CDK17: variants seen among roughly 807,000 people sequenced by gnomAD.
The protein encoded by CDK17 is cyclin dependent kinase 17.
CDK17 carries 24 observed loss-of-function variants against 77.6 expected under a neutral mutation model. The observed-to-expected ratio is 0.31, with a 90% CI of 0.22 to 0.44. CDK17 has a LOEUF of 0.44. CDK17 is among the 20% of genes least tolerant of loss of function. CDK17 has a pLI of 1.00. For synonymous variants in CDK17, 203 were observed against 210.4 expected, an observed-to-expected ratio of 0.96 and a Z score of 0.30; for missense variants, 429 against 622.5, an observed-to-expected ratio of 0.69 and a Z score of 3.31.
chr12:96,351,987 A>G (rs139972407), intron 1 of CDK17, among the ~76,000 whole-genome samples: 1,602 of 152,342 alleles, frequency 0.011, 48 homozygotes, highest in Admixed American at 0.064. Context: ...TGCAAAGAAA[A>G]TAAATCAACT....
At position 96,300,394 on chromosome 12, in the gene CDK17, CTTTT is replaced by C. The variant is rs372691382; in HGVS notation, c.544-38_544-35del. The stretch of plus-strand genomic sequence containing the variant: ...TAAACAATGAAAAATGTAGTATTTA[CTTTT>C]TTTTTTTTTTTTTGAGACAGCATCG... On this transcript the variant is annotated intron_variant, in intron 5 of 16. Coordinates refer to ENST00000261211, the MANE Select transcript of CDK17 (RefSeq NM_002595.5). 1,435 of 919,246 alleles carry C rather than the reference CTTTT, an allele frequency of 1.6e-3. 2 individuals carry two copies. Among genetic ancestry groups the C allele is most frequent in the Admixed American group, 3.0e-3 (114 of 38,558 alleles). 56.9% of individuals were successfully genotyped at this position (919,246 alleles called of 1,614,324 possible). A position where few individuals can be genotyped will look rare whatever the true frequency, so the allele number is the denominator to read the frequency against.
Position 96,358,544 on chromosome 12 carries a change from C to T in CDK17, c.-29-23679G>A, listed in dbSNP as rs1020765857. On this transcript the variant is annotated intron_variant, in intron 1 of 16. Transcript: ENST00000261211. ...TTAATAATAAAAAGGATACAGGGGC[C>T]GGGCACATGGCTCACATCTGTAATC... Among the ~76,000 whole-genome samples the T allele has an allele frequency of 3.3e-5, 5 of 152,086 alleles. No individual in the cohort carries two copies. In the East Asian group the frequency reaches 7.7e-4, roughly 23 times the overall value.
At chr12:96,391,083 T>C (rs1466839884) in intron 1 of CDK17, among the ~76,000 whole-genome samples, 1 of 117,284 alleles carries the variant, frequency 8.5e-6, no homozygotes, top group Non-Finnish European at 1.7e-5. Flanking sequence ...GGAGACTCCA[T>C]CTCAAAAAAA....
chr12:96,330,945 GTGTT>G (rs1009442599), intron 2 of CDK17, among the ~76,000 whole-genome samples: 7 of 152,154 alleles, frequency 4.6e-5, no homozygotes, highest in South Asian at 2.1e-4. Context: ...TTTGACAGGT[GTGTT>G]TGTTTGTTTG....
intron 2 of CDK17, among the ~76,000 whole-genome samples, chr12:96,331,016 G>A (rs746418660): frequency 6.6e-6 from 1 of 152,140 alleles, no homozygotes; most frequent in Non-Finnish European, 1.5e-5. Context: ...GTGCCATCTC[G>A]GCTCACTGCA....
chr12:96,335,386 T>C (rs1178338267), intron 1 of CDK17, among the ~76,000 whole-genome samples: 1 of 152,252 alleles, frequency 6.6e-6, no homozygotes, highest in East Asian at 1.9e-4. Flanking sequence ...GTTTTGTTTT[T>C]ACTTGTTAGG....
chr12:96,385,793 C>G (rs1184700857), intron 1 of CDK17, among the ~76,000 whole-genome samples: 2 of 151,932 alleles, frequency 1.3e-5, no homozygotes, highest in Non-Finnish European at 2.9e-5. Flanking sequence ...TTTTCTAAAA[C>G]TAATAACTGA....
At chr12:96,387,789 A>G (rs1047778520) in intron 1 of CDK17, among the ~76,000 whole-genome samples, 1 of 151,930 alleles carries the variant, frequency 6.6e-6, no homozygotes, top group African/African-American at 2.4e-5. Context: ...CAAAAAAGTA[A>G]AAAATCAGCC....
chr12:96,288,819 T>C (rs543031337), intron 11 of CDK17, among the ~76,000 whole-genome samples: 1 of 152,360 alleles, frequency 6.6e-6, no homozygotes, highest in East Asian at 1.9e-4. Flanking sequence ...AATTACTATG[T>C]ATCAGATACT....
chr12:96,383,962 G>C (rs1953927849), intron 1 of CDK17, among the ~76,000 whole-genome samples: 1 of 151,988 alleles, frequency 6.6e-6, no homozygotes, highest in African/African-American at 2.4e-5. Context: ...ATTATCAAGA[G>C]TATACAGACA....
chr12:96,386,276 G>A lies in CDK17; in HGVS notation c.-30+13710C>T, dbSNP rs185136223. 4.0e-4 allele frequency among the ~76,000 whole-genome samples: 61 copies of A among 152,294 alleles called. 1 individual carries two copies. The East Asian group carries it at 8.9e-3, about 22-fold the overall frequency. The stretch of plus-strand genomic sequence containing the variant: ...CTCCCAAAGTGCTGGGATTACAGAC[G>A]TGAGCCACTGCACCCAGGTAGAAAG... On this transcript the variant is annotated intron_variant, in intron 1 of 16. Transcript: ENST00000261211.
chr12:96,345,706 T>C (rs530198700), intron 1 of CDK17, among the ~76,000 whole-genome samples: 1 of 152,316 alleles, frequency 6.6e-6, no homozygotes, highest in South Asian at 2.1e-4. Flanking sequence ...GTTGGTATTA[T>C]TCAAATGAGG....
intron 2 of CDK17, among the ~76,000 whole-genome samples, chr12:96,332,464 T>C (rs1415951389): frequency 6.6e-6 from 1 of 152,370 alleles, no homozygotes; most frequent in South Asian, 2.1e-4. Flanking sequence ...TATTCTGGCA[T>C]GGACTGTGTC....
intron 3 of CDK17, among the ~76,000 whole-genome samples, chr12:96,316,886 A>G (rs1272559347): frequency 1.3e-5 from 2 of 150,306 alleles, no homozygotes; most frequent in Non-Finnish European, 3.0e-5. Flanking sequence ...TGGAAACTCT[A>G]AAACGCAGAG....
At chr12:96,346,001 A>G (rs186804960) in intron 1 of CDK17, among the ~76,000 whole-genome samples, 1 of 152,330 alleles carries the variant, frequency 6.6e-6, no homozygotes, top group East Asian at 1.9e-4. Flanking sequence ...GTCAGACTGG[A>G]TTTTTTAAAA....
intron 13 of CDK17, chr12:96,285,826 G>A (rs1000937377): frequency 1.4e-5 from 4 of 276,916 alleles, no homozygotes; most frequent in Non-Finnish European, 2.7e-5. Context: ...TCTGTGGTAC[G>A]GAATAAGGCA....
intron 1 of CDK17, among the ~76,000 whole-genome samples, chr12:96,342,800 C>T (rs1016944802): frequency 1.3e-5 from 2 of 151,792 alleles, no homozygotes; most frequent in African/African-American, 4.8e-5. Context: ...CCCGTCTCTA[C>T]TAAAAATATA....
At chr12:96,352,186 T>C (rs979339196) in intron 1 of CDK17, among the ~76,000 whole-genome samples, 2 of 152,010 alleles carry the variant, frequency 1.3e-5, no homozygotes, top group African/African-American at 4.8e-5. Context: ...ACTTTCCCAA[T>C]AGGATCCCTT....
At chr12:96,333,472 C>T (rs142217169) in intron 2 of CDK17, among the ~76,000 whole-genome samples, 1,572 of 152,004 alleles carry the variant, frequency 0.01, 8 homozygotes, top group Non-Finnish European at 0.018. Context: ...CAAGACTAGC[C>T]TGGTCAACAT....
Sources: allele counts gnomAD v4.1 joint callset (sites outside exome capture counted in the v4.1 genomes callset), GRCh38; gene constraint gnomAD v4.1.1; transcripts MANE v1.5; gene names NCBI Gene and HGNC (gene_info 2026-07-23, HGNC 2026-07-21).